Variants in FXYD2 observed in about 807,000 individuals in gnomAD.
FXYD2 encodes the protein FXYD domain containing ion transport regulator 2, also known as sodium/potassium-transporting ATPase subunit gamma.
Under a neutral mutation model 11.8 loss-of-function variants are expected in FXYD2, and 8 were observed. That is an observed-to-expected ratio of 0.68 (90% confidence interval 0.40 to 1.22). The LOEUF (loss-of-function observed/expected upper bound fraction) is 1.22, where lower values mean the gene tolerates loss of function less well. Among genes scored for constraint, FXYD2 ranks in the 50% most tolerant of loss-of-function variants. The pLI is 0.01. For missense variants in FXYD2, 92 were observed against 91.8 expected (o/e 1.00, Z -0.01); for synonymous variants, 42 against 33.3 (o/e 1.26, Z -0.90).
upstream of FXYD2, among the ~76,000 whole-genome samples, chr11:117,824,939 A>C (rs1329033841): frequency 1.3e-5 from 2 of 152,168 alleles, no homozygotes; most frequent in African/African-American, 4.8e-5. This position sits in a 1 kb window ranked among gnomAD's most constrained non-coding sequence, Gnocchi z 4.0. Context: ...GGAAATTTCC[A>C]AAGAGAAGGG....
chr11:117,820,676 G>A lies in FXYD2; in HGVS notation c.197C>T (p.Pro66Leu), dbSNP rs761748059. The A allele has an allele frequency of 5.0e-6, 8 of 1,613,934 alleles. No homozygotes were observed. Among genetic ancestry groups the A allele is most frequent in the African/African-American group, 2.7e-5 (2 of 74,988 alleles). ...GCCCTCCTAGCATACCTGCTGTTAC[G>A]GCTCATCTTCATTGATTTGCCTGGT... ...KKRRQINEDEP is the reference protein window; with the variant it reads ...KKRRQINEDEL The change falls in exon 5 of 6, where the codon CCG (proline) becomes CTG (leucine). Residue 66 changes from proline (P) to leucine (L), a missense_variant. Transcript: ENST00000292079.
At chr11:117,821,003 C>CAA in intron 3 of FXYD2, 108 bp from the exon 4 acceptor site, 1 of 1,512,452 alleles carries the variant, frequency 6.6e-7, no homozygotes, top group Non-Finnish European at 9.2e-7. Context: ...CCAGTATCAT[C>CAA]GCAGGGTCAG....
upstream of FXYD2, among the ~76,000 whole-genome samples, chr11:117,826,479 C>G (rs12291777): frequency 0.1 from 15,483 of 152,132 alleles, 910 homozygotes; most frequent in East Asian, 0.2. Context: ...AGCCCCTGGA[C>G]GTGGCCAGGG....
At chr11:117,821,373 A>G in intron 3 of FXYD2, 1 of 989,582 alleles carries the variant, frequency 1.0e-6, no homozygotes, top group South Asian at 4.6e-5. Flanking sequence ...CTCTCTCTTT[A>G]TATAAGGCTG....
upstream of FXYD2, chr11:117,824,844 T>A (rs769888679): frequency 2.9e-5 from 25 of 857,364 alleles, no homozygotes; most frequent in Non-Finnish European, 4.2e-5. The surrounding 1 kb of genome is among the most constrained non-coding windows in gnomAD (Gnocchi z 4.0). Context: ...GCAGTGTGGA[T>A]GGAGGGGCTC....
At position 117,824,314 on chromosome 11, in the gene FXYD2, T is replaced by A; in HGVS notation, c.25+340A>T. On this transcript the variant is annotated intron_variant, in intron 1 of 5. Coordinates refer to ENST00000292079, the MANE Select transcript of FXYD2 (RefSeq NM_001680.5). This position sits in a 1 kb window ranked among gnomAD's most constrained non-coding sequence, Gnocchi z 4.0. ...GGGGCCTGCTCCTTCCCCAGCCAGATGGACGCCGTCTGCCTCCCGCCCAAG... is the reference window on the plus strand; with the variant it reads ...GGGGCCTGCTCCTTCCCCAGCCAGAAGGACGCCGTCTGCCTCCCGCCCAAG... The A allele has an allele frequency of 4.5e-6, 2 of 447,672 alleles. 1 individual carries two copies. The highest frequency in any genetic ancestry group is 4.9e-5 in the South Asian group (2 of 41,204). 27.7% of individuals were successfully genotyped at this position (447,672 alleles called of 1,614,324 possible).
rs2055918942 is a variant in FXYD2 at position 117,822,094 on chromosome 11, C to T, written c.139+312G>A. The T allele has an allele frequency of 7.6e-7, 1 of 1,321,602 alleles. No homozygotes were observed. 81.9% of individuals were successfully genotyped at this position (1,321,602 alleles called of 1,614,324 possible). Reference sequence around the variant, plus strand: ...CCCTATTTAACAAATGAGTTTGGGACCATGGTTAGCAGCGGGGGGCCTAGT... The same window carrying T: ...CCCTATTTAACAAATGAGTTTGGGATCATGGTTAGCAGCGGGGGGCCTAGT... On this transcript the variant is annotated intron_variant, in intron 3 of 5. Transcript: ENST00000292079. This position sits in a 1 kb window ranked among gnomAD's most constrained non-coding sequence, Gnocchi z 4.7.
At chr11:117,827,310 T>C (rs566792376), upstream of FXYD2, among the ~76,000 whole-genome samples, 3 of 152,280 alleles carry the variant, frequency 2.0e-5, no homozygotes, top group Admixed American at 6.5e-5. Flanking sequence ...AGTGCAATGG[T>C]GCGATCTCGA....
rs909741310 is a variant in FXYD2, at chr11:117,824,593, G to T, written c.25+61C>A. On this transcript the variant is annotated intron_variant, in intron 1 of 5. Transcript: ENST00000292079. The surrounding 1 kb of genome is among the most constrained non-coding windows in gnomAD (Gnocchi z 4.0). ...GTAGGGTCCAGCTGACCCCACAAAG[G>T]CAGGCCAATCAGAGCCACCCAGCAT... is the stretch of plus-strand genomic sequence containing the variant. 12 of 1,384,642 alleles carry T rather than the reference G, an allele frequency of 8.7e-6. No homozygotes were observed. In the African/African-American group the frequency reaches 1.4e-4, roughly 16 times the overall value. The allele number at this position is 1,384,642 out of a possible 1,614,324, so 85.8% of individuals were successfully genotyped here.
chr11:117,827,127 G>A (rs192981788), upstream of FXYD2, among the ~76,000 whole-genome samples: 27 of 141,320 alleles, frequency 1.9e-4, no homozygotes, highest in Non-Finnish European at 3.2e-4. Flanking sequence ...TAGATAGATA[G>A]ATAGATAGAT....
At chr11:117,826,774 G>GTCTATCTATCTATCTA (rs763303489), upstream of FXYD2, among the ~76,000 whole-genome samples, 2 of 93,248 alleles carry the variant, frequency 2.1e-5, no homozygotes, top group Admixed American at 1.1e-4. Context: ...CTGTCTGTCT[G>GTCTATCTATCTATCTA]TCTGTCTATC....
Position 117,820,656 on chromosome 11 carries a change from C to T in FXYD2, c.*6+10G>A. ...CCTCCCCGCACCTTCCCCAGGCCCT[C>T]CTAGCATACCTGCTGTTACGGCTCA... On this transcript the variant is annotated intron_variant, in intron 5 of 5. Coordinates refer to ENST00000292079, the MANE Select transcript of FXYD2 (RefSeq NM_001680.5). The T allele has an allele frequency of 2.5e-6, 4 of 1,613,758 alleles. No individual in the cohort carries two copies. Among genetic ancestry groups the T allele is most frequent in the Non-Finnish European group, 3.4e-6 (4 of 1,179,822 alleles).
At chr11:117,825,971 G>A (rs1362554573), upstream of FXYD2, among the ~76,000 whole-genome samples, 1 of 152,136 alleles carries the variant, frequency 6.6e-6, no homozygotes, top group African/African-American at 2.4e-5. Flanking sequence ...CTAATGGTGT[G>A]GTCTCAGTCA....
chr11:117,827,095 GAT>G (rs1565303914), upstream of FXYD2, among the ~76,000 whole-genome samples: 77 of 103,960 alleles, frequency 7.4e-4, no homozygotes, highest in Admixed American at 1.7e-3. Flanking sequence ...GAGATAGATA[GAT>G]AGATAGATAG....
At chr11:117,823,303 T>C (rs1383120139) in intron 1 of FXYD2, among the ~76,000 whole-genome samples, 1 of 152,102 alleles carries the variant, frequency 6.6e-6, no homozygotes, top group Admixed American at 6.5e-5. Flanking sequence ...GGGCAAAAAC[T>C]AACAAACCCT....
In FXYD2 at chr11:117,822,385, C is replaced by A; in HGVS notation, c.139+21G>T. 1 of 1,552,908 alleles carries A rather than the reference C, an allele frequency of 6.4e-7. No homozygotes were observed. The highest frequency in any genetic ancestry group is 2.4e-5 in the East Asian group (1 of 41,234). On this transcript the variant is annotated intron_variant, in intron 3 of 5. Coordinates refer to ENST00000292079, the MANE Select transcript of FXYD2 (RefSeq NM_001680.5). This position sits in a 1 kb window ranked among gnomAD's most constrained non-coding sequence, Gnocchi z 4.7. Reference sequence around the variant, plus strand: ...GAGGTGCCCTGGTCAGCACCCCTTCCCTGGAGGCCACCCCACTTACTGAGG... The same window carrying A: ...GAGGTGCCCTGGTCAGCACCCCTTCACTGGAGGCCACCCCACTTACTGAGG...
chr11:117,827,914 G>A (rs1439348715), upstream of FXYD2: 27 of 943,282 alleles, frequency 2.9e-5, no homozygotes, highest in Non-Finnish European at 4.2e-5. Context: ...TGGGGAGCTT[G>A]TGGGTGCACT....
chr11:117,822,155 G>A lies in FXYD2; in HGVS notation c.139+251C>T, dbSNP rs190487156. On this transcript the variant is annotated intron_variant, in intron 3 of 5. Coordinates refer to ENST00000292079, the MANE Select transcript of FXYD2 (RefSeq NM_001680.5). This position sits in a 1 kb window ranked among gnomAD's most constrained non-coding sequence, Gnocchi z 4.7. ...GGCCCTCCGGTTACCCAGTTACCCC[G>A]TGGGTTTGCTCTCACTTCTGCGGCT... 3.1e-4 allele frequency: 442 copies of A among 1,408,276 alleles called. 1 individual carries two copies. In the African/African-American group the frequency reaches 5.6e-3, roughly 18 times the overall value. 87.2% of individuals were successfully genotyped at this position (1,408,276 alleles called of 1,614,324 possible).
chr11:117,825,233 C>T (rs552178914), upstream of FXYD2, among the ~76,000 whole-genome samples: 7 of 152,134 alleles, frequency 4.6e-5, no homozygotes, highest in Admixed American at 1.3e-4. Context: ...CCTGGAGCAC[C>T]GCCAAAGCTG....
Sources: allele counts gnomAD v4.1 joint callset (sites outside exome capture counted in the v4.1 genomes callset), GRCh38; gene constraint gnomAD v4.1.1; non-coding constraint Gnocchi (gnomAD v3.1); transcripts MANE v1.5; gene names NCBI Gene and HGNC (gene_info 2026-07-23, HGNC 2026-07-21).